Variants in EIF4E2 observed in about 807,000 individuals in gnomAD.
EIF4E2 encodes eukaryotic translation initiation factor 4E family member 2.
EIF4E2 carries 13 observed loss-of-function variants against 34.2 expected under a neutral mutation model. That is an observed-to-expected ratio of 0.38 (90% CI 0.25 to 0.60). The LOEUF (loss-of-function observed/expected upper bound fraction) is 0.60. EIF4E2 is among the 20% of genes least tolerant of loss of function. EIF4E2 has a pLI of 0.62. For synonymous variants in EIF4E2, 100 were observed against 106.6 expected (o/e 0.94, Z 0.38); for missense variants, 222 against 315.1 (o/e 0.70, Z 2.24).
chr2:232,568,338 G>A (rs949979439), intron 6 of EIF4E2: 11 of 985,302 alleles, frequency 1.1e-5, no homozygotes, highest in African/African-American at 1.7e-5. Context: ...TGCTATGGGC[G>A]TTGGTCCATG....
intron 1 of EIF4E2, among the ~76,000 whole-genome samples, chr2:232,552,210 C>CAT (rs151194816): frequency 1.1e-4 from 17 of 151,636 alleles, no homozygotes; most frequent in African/African-American, 2.7e-4. Context: ...AGGTATTTTT[C>CAT]ATATATATAT....
intron 6 of EIF4E2, among the ~76,000 whole-genome samples, chr2:232,576,324 C>G (rs1259521896): frequency 6.6e-6 from 1 of 152,156 alleles, no homozygotes; most frequent in Non-Finnish European, 1.5e-5. Flanking sequence ...TTGATGGCAT[C>G]TGAGGTTCAG....
chr2:232,568,193 T>C (rs975172542), intron 6 of EIF4E2: 6 of 985,282 alleles, frequency 6.1e-6, no homozygotes, highest in African/African-American at 3.5e-5. Flanking sequence ...GTTGTTATTA[T>C]TGAAGGCTAG....
At chr2:232,564,424 A>G in intron 4 of EIF4E2, 73 bp downstream of exon 4, 1 of 750,186 alleles carries the variant, frequency 1.3e-6, no homozygotes, top group Non-Finnish European at 2.1e-6. Context: ...TAGCCCTGCC[A>G]AGGTTAAAAG....
At chr2:232,556,117 A>G (rs1190445) in intron 1 of EIF4E2, among the ~76,000 whole-genome samples, 113,263 of 152,124 alleles carry the variant, frequency 0.74, 42,574 homozygotes, top group Middle Eastern at 0.84. Context: ...CATTTTTGGC[A>G]GGGAAAACAA....
intron 1 of EIF4E2, among the ~76,000 whole-genome samples, chr2:232,551,427 G>A (rs1692317056): frequency 6.6e-6 from 1 of 152,190 alleles, no homozygotes; most frequent in Non-Finnish European, 1.5e-5. Context: ...AAATGCAGAA[G>A]TATCTTTACT....
chr2:232,556,467 A>G lies in EIF4E2; in HGVS notation c.72A>G (p.Thr24=), dbSNP rs1426089546. 6.2e-7 allele frequency: 1 copy of G among 1,613,934 alleles called. No homozygotes were observed. The highest frequency in any genetic ancestry group is 8.5e-7 in the Non-Finnish European group (1 of 1,179,952). ...ATGATCAGAATGAAGAAAACAGCAC[A>G]CAGAAAGATGGTGAGAAGGAAAAAA... ...GDHDQNEENS[T]QKDGEKEKTE... is the part of the protein sequence containing the mutation. The change falls in exon 2 of 7, where the codon ACA becomes ACG. Residue 24 remains threonine, a synonymous_variant. Transcript: ENST00000258416.
intron 3 of EIF4E2, among the ~76,000 whole-genome samples, chr2:232,559,641 T>C (rs779927321): frequency 6.6e-6 from 1 of 152,056 alleles, no homozygotes; most frequent in Admixed American, 6.6e-5. Context: ...GTTAAGTGTC[T>C]GATCTAAAGT....
intron 6 of EIF4E2, 34 bp from the exon 7 acceptor site, chr2:232,568,911 C>G (rs1559320351): frequency 6.2e-7 from 1 of 1,614,008 alleles, no homozygotes; most frequent in Non-Finnish European, 8.5e-7. Flanking sequence ...TCTCTTTCCT[C>G]TCCCAATGAG....
Position 232,568,959 on chromosome 2 carries a change from T to A in EIF4E2, c.680T>A (p.Leu227Gln). The A allele has an allele frequency of 1.2e-6, 2 of 1,614,224 alleles. No homozygotes were observed. The highest frequency in any genetic ancestry group is 1.7e-6 in the Non-Finnish European group (2 of 1,180,046). The change falls in exon 7 of 7, where the codon CTG (leucine) becomes CAG (glutamine). Residue 227 changes from leucine (L) to glutamine (Q), a missense_variant. This residue lies in a region of EIF4E2 where 30 missense variants were observed against 26.3 expected (regional missense o/e 1.14). Coordinates refer to ENST00000258416, the MANE Select transcript of EIF4E2 (RefSeq NM_004846.4). ...ACTTCCACTAGAATGCCAGGCAGGC[T>A]GGGCCCCCAAAGGCTCCTTTTTCAA... is the stretch of plus-strand genomic sequence containing the variant. ...HTDSIKMPGR[L>Q]GPQRLLFQNL...
At chr2:232,555,791 C>T (rs993645275) in intron 1 of EIF4E2, among the ~76,000 whole-genome samples, 3 of 152,188 alleles carry the variant, frequency 2.0e-5, no homozygotes, top group African/African-American at 4.8e-5. Context: ...GAGGATCTTA[C>T]ATTTTGCTGT....
At chr2:232,583,396 C>T (rs953505393) in exon 7 of EIF4E2, 2 of 152,552 alleles carry the variant, frequency 1.3e-5, no homozygotes, top group African/African-American at 4.8e-5. Flanking sequence ...GGCCCCTACT[C>T]CTCTCCAGTG....
rs1693342452 is a variant in EIF4E2 at position 232,580,959 on chromosome 2, C to T, written c.*16C>T. ...CACATTGTGAGAGTACACAAGCTGG[C>T]AATAATCCTTTTCTGTATGTGTGTG... On this transcript the variant is annotated 3_prime_UTR_variant, in exon 7 of 7. Coordinates refer to the EIF4E2 transcript ENST00000409098. The T allele has an allele frequency of 5.2e-6, 8 of 1,549,906 alleles. 1 individual carries two copies. The highest frequency in any genetic ancestry group is 6.1e-6 in the Non-Finnish European group (7 of 1,146,480).
intron 1 of EIF4E2, 91 bp downstream of exon 1, chr2:232,550,835 G>C: frequency 7.9e-7 from 1 of 1,262,368 alleles, no homozygotes; most frequent in South Asian, 1.5e-5. Context: ...CAAACCCTGC[G>C]GCACCGGCTT....
At chr2:232,580,772 A>C in intron 6 of EIF4E2, 2 of 776,888 alleles carry the variant, frequency 2.6e-6, no homozygotes, top group Non-Finnish European at 4.0e-6. Flanking sequence ...TAGATTGGCA[A>C]GTGAAGAAGG....
At chr2:232,551,206 A>G (rs999289245) in intron 1 of EIF4E2, 2 of 482,272 alleles carry the variant, frequency 4.1e-6, no homozygotes, top group Non-Finnish European at 8.5e-6. Context: ...TAGAGTTTGG[A>G]GGATGCAATG....
chr2:232,568,698 G>A (rs913095056), intron 6 of EIF4E2: 103 of 985,168 alleles, frequency 1.0e-4, no homozygotes, highest in Non-Finnish European at 1.2e-4. Context: ...GCAGTTCTTC[G>A]TGACTTTTAC....
chr2:232,569,290 CACAG>C, downstream of EIF4E2: 1 of 1,254,934 alleles, frequency 8.0e-7, no homozygotes, highest in Non-Finnish European at 1.0e-6. Flanking sequence ...TAAGGGATGG[CACAG>C]ACTTTTCCAT....
downstream of EIF4E2, among the ~76,000 whole-genome samples, chr2:232,571,361 G>A (rs148564405): frequency 2.0e-5 from 3 of 152,344 alleles, no homozygotes; most frequent in Non-Finnish European, 2.9e-5. Flanking sequence ...CCAACTTGTA[G>A]TCGAGTTTTC....
Sources: gnomAD v4.1 joint callset for allele counts (sites outside exome capture counted in the v4.1 genomes callset) on GRCh38, gnomAD v4.1.1 for gene constraint, gnomAD v4.1.1 regional missense constraint, MANE v1.5 for transcripts, NCBI Gene and HGNC (gene_info 2026-07-23, HGNC 2026-07-21) for gene names.